The following MSI2 variants were observed in gnomAD, a reference collection of about 807,000 sequenced individuals.
The protein encoded by MSI2 is RNA-binding protein Musashi homolog 2.
A neutral mutation model predicts 45.6 loss-of-function variants in MSI2; 17 were observed. The ratio of observed to expected loss-of-function variants is 0.37; its 90% CI spans 0.26 to 0.56. The LOEUF is 0.56. MSI2 is among the 20% of genes least tolerant of loss of function. The probability of loss-of-function intolerance (pLI) is 0.77; values close to 1 mark genes in which losing one functional copy is unlikely to be tolerated. For synonymous variants in MSI2, 156 were observed against 158.2 expected, an observed-to-expected ratio of 0.99 and a Z score of 0.11; for missense variants, 293 against 444.2, an observed-to-expected ratio of 0.66 and a Z score of 3.06.
At chr17:57,675,799 A>G (rs1011812310) in intron 12 of MSI2, among the ~76,000 whole-genome samples, 4 of 152,254 alleles carry the variant, frequency 2.6e-5, no homozygotes, top group Non-Finnish European at 5.9e-5. Context: ...CTTGAAGGCC[A>G]GATGCATTTG....
At chr17:57,592,172 C>CA (rs746051998) in intron 7 of MSI2, among the ~76,000 whole-genome samples, 633 of 81,690 alleles carry the variant, frequency 7.7e-3, no homozygotes, top group Non-Finnish European at 0.01. Context: ...ACTCTGTCTC[C>CA]AAAAAAAAAA....
intron 6 of MSI2, among the ~76,000 whole-genome samples, chr17:57,501,447 C>T (rs2086105017): frequency 6.6e-6 from 1 of 152,240 alleles, no homozygotes; most frequent in South Asian, 2.1e-4. Context: ...TCTCACTCTT[C>T]ATCCCACGGC....
At chr17:57,413,964 C>T (rs575629992) in intron 6 of MSI2, among the ~76,000 whole-genome samples, 8 of 152,032 alleles carry the variant, frequency 5.3e-5, no homozygotes, top group South Asian at 4.2e-4. Flanking sequence ...TGCCAGGTAC[C>T]GAGCTAGGAG....
In MSI2 at chr17:57,429,440, T is replaced by C. The variant is rs564456231; in HGVS notation, c.405+27969T>C. ...CATCCAGTGACTCCTGCTGCCGCTG[T>C]CCTTCCTGCCTGGATGTTTTTGGAG... On this transcript the variant is annotated intron_variant, in intron 6 of 13. Transcript: ENST00000284073. 6.9e-3 allele frequency among the ~76,000 whole-genome samples: 1,050 copies of C among 152,352 alleles called. 13 individuals are homozygous for C. Among genetic ancestry groups the C allele is most frequent in the African/African-American group, 0.024 (1,004 of 41,578 alleles).
intron 6 of MSI2, among the ~76,000 whole-genome samples, chr17:57,446,812 C>T (rs536716305): frequency 7.2e-5 from 11 of 152,286 alleles, no homozygotes; most frequent in East Asian, 1.9e-4. Context: ...GGAACCCACA[C>T]GGACAAAAGG....
intron 6 of MSI2, among the ~76,000 whole-genome samples, chr17:57,488,658 A>G (rs2085803538): frequency 6.6e-6 from 1 of 152,156 alleles, no homozygotes; most frequent in Admixed American, 6.5e-5. Flanking sequence ...CCCCATTTCT[A>G]CAAAAAATAC....
intron 7 of MSI2, among the ~76,000 whole-genome samples, chr17:57,558,976 C>T (rs999099285): frequency 6.6e-6 from 1 of 152,108 alleles, no homozygotes; most frequent in African/African-American, 2.4e-5. Flanking sequence ...GCGGGAGAAT[C>T]ACTTGAACCC....
At chr17:57,288,139 C>G (rs1035971889) in intron 5 of MSI2, among the ~76,000 whole-genome samples, 3 of 152,212 alleles carry the variant, frequency 2.0e-5, no homozygotes, top group Admixed American at 6.5e-5. Context: ...GTGACATAAC[C>G]TCTCTGAGCC....
intron 6 of MSI2, among the ~76,000 whole-genome samples, chr17:57,466,538 C>T (rs534239125): frequency 6.6e-6 from 1 of 152,006 alleles, no homozygotes; most frequent in South Asian, 2.1e-4. Flanking sequence ...GCTCTTTTTT[C>T]CTCTCTCCCT....
At chr17:57,553,624 A>G (rs930403188) in intron 7 of MSI2, among the ~76,000 whole-genome samples, 8 of 152,174 alleles carry the variant, frequency 5.3e-5, no homozygotes, top group African/African-American at 1.9e-4. Context: ...CTGGAAATCT[A>G]TCTCGGCTCT....
chr17:57,651,446 C>T (rs772616131), intron 10 of MSI2, among the ~76,000 whole-genome samples: 7 of 152,070 alleles, frequency 4.6e-5, no homozygotes, highest in Non-Finnish European at 8.8e-5. Flanking sequence ...CCTGCAGCCC[C>T]GCACTCCCTT....
intron 11 of MSI2, among the ~76,000 whole-genome samples, chr17:57,659,540 G>A (rs554431352): frequency 4.1e-4 from 63 of 152,264 alleles, no homozygotes; most frequent in African/African-American, 1.2e-3. Context: ...GCTACAGAAT[G>A]GCCATGTGAC....
At position 57,683,774 on chromosome 17, in the gene MSI2, T is replaced by C. The variant is rs769135176; in HGVS notation, c.*4257T>C. 4 of 230,744 alleles carry C rather than the reference T, an allele frequency of 1.7e-5. No individual in the cohort carries two copies. The highest frequency in any genetic ancestry group is 1.1e-4 in the Admixed American group (2 of 17,618). 14.3% of individuals were successfully genotyped at this position (230,744 alleles called of 1,614,324 possible). On this transcript the variant is annotated 3_prime_UTR_variant, in exon 14 of 14. Coordinates refer to ENST00000284073, the MANE Select transcript of MSI2 (RefSeq NM_138962.4). The surrounding 1 kb of genome is among the most constrained non-coding windows in gnomAD (Gnocchi z 5.2). ...GAGGGACTGACTGCAGGCAAGCACA[T>C]TGAAGAAAGACACTGGCGGGTTTCC...
chr17:57,675,898 G>A (rs1003313), intron 12 of MSI2, among the ~76,000 whole-genome samples: 34,166 of 152,186 alleles, frequency 0.22, 3,961 homozygotes, highest in East Asian at 0.43. Flanking sequence ...TTCAGATTGT[G>A]TTGTTCTTCT....
intron 8 of MSI2, among the ~76,000 whole-genome samples, chr17:57,605,303 C>T (rs996322975): frequency 3.3e-5 from 5 of 152,160 alleles, no homozygotes; most frequent in Non-Finnish European, 5.9e-5. Context: ...CCGGGTGGTT[C>T]GGTGGTAAAT....
At position 57,339,066 on chromosome 17, in the gene MSI2, G is replaced by A. The variant is rs138236612; in HGVS notation, c.313-62313G>A. ...TTTGTGGCTTTCAAAAGAAAATCAC[G>A]GACGTTAAAATAAATGACGCAAATA... On this transcript the variant is annotated intron_variant, in intron 5 of 13. Coordinates refer to ENST00000284073, the MANE Select transcript of MSI2 (RefSeq NM_138962.4). Among the ~76,000 whole-genome samples the A allele has an allele frequency of 6.2e-3, 942 of 152,210 alleles. 8 individuals are homozygous for A. The highest frequency in any genetic ancestry group is 0.022 in the African/African-American group (893 of 41,522).
intron 6 of MSI2, among the ~76,000 whole-genome samples, chr17:57,494,238 T>A (rs982816684): frequency 2.6e-5 from 4 of 152,238 alleles, no homozygotes; most frequent in Non-Finnish European, 4.4e-5. Flanking sequence ...GGGAGACCCA[T>A]TAAAATATAG....
chr17:57,553,731 G>C (rs1054881506), intron 7 of MSI2, among the ~76,000 whole-genome samples: 3 of 152,322 alleles, frequency 2.0e-5, no homozygotes, highest in Non-Finnish European at 4.4e-5. Flanking sequence ...TCCTGGCCAA[G>C]AGATAACCGG....
intron 6 of MSI2, among the ~76,000 whole-genome samples, chr17:57,489,388 G>C (rs910059687): frequency 6.6e-6 from 1 of 152,186 alleles, no homozygotes. Flanking sequence ...GGTGCTCCCA[G>C]CTGCTTGTGG....
Sources: allele counts gnomAD v4.1 joint callset (sites outside exome capture counted in the v4.1 genomes callset), GRCh38; gene constraint gnomAD v4.1.1; non-coding constraint Gnocchi (gnomAD v3.1); transcripts MANE v1.5; gene names NCBI Gene and HGNC (gene_info 2026-07-23, HGNC 2026-07-21).